Variants in RBM19 observed in about 807,000 individuals in gnomAD.
RBM19 encodes RNA binding motif protein 19.
A neutral mutation model predicts 116.8 loss-of-function variants in RBM19; 94 were observed. The ratio of observed to expected loss-of-function variants is 0.80; its 90% CI spans 0.68 to 0.95. The LOEUF is 0.95. Ranked by LOEUF, RBM19 falls within the 40% of genes least tolerant of loss-of-function variation. The pLI is 0.00. For synonymous variants in RBM19, 475 were observed against 494.1 expected (o/e 0.96, Z 0.51); for missense variants, 1,161 against 1,220.7 (o/e 0.95, Z 0.73).
rs1233303164 is a variant in RBM19 at position 113,949,026 on chromosome 12, G to A, written c.1083C>T (p.Tyr361=). The change falls in exon 10 of 24, where the codon TAC becomes TAT. Residue 361 remains tyrosine (Y), a synonymous_variant. Transcript: ENST00000261741. ...CGTTCTTTTCCCTGAACACCTCGAT[G>A]TAGCGCCCACCTGCAATGAAGAGGA... The part of the protein sequence containing the change: ...KCNREYMGGR[Y]IEVFREKNVP... The A allele has an allele frequency of 1.2e-6, 2 of 1,613,340 alleles. No homozygotes were observed. The highest frequency in any genetic ancestry group is 2.2e-5 in the South Asian group (2 of 91,030).
chr12:113,879,728 C>T (rs1166313403), intron 21 of RBM19, among the ~76,000 whole-genome samples: 1 of 152,088 alleles, frequency 6.6e-6, no homozygotes, highest in Non-Finnish European at 1.5e-5. Flanking sequence ...CCCTAGGCTG[C>T]TGGGGAGCTC....
intron 10 of RBM19, 107 bp downstream of exon 10, chr12:113,948,726 G>A: frequency 1.8e-6 from 2 of 1,121,142 alleles, no homozygotes; most frequent in Non-Finnish European, 2.5e-6. Flanking sequence ...ACTGAGGCAA[G>A]AGATGTGGAG....
chr12:113,896,371 G>T (rs1881325389), intron 21 of RBM19, among the ~76,000 whole-genome samples: 1 of 152,184 alleles, frequency 6.6e-6, no homozygotes, highest in Non-Finnish European at 1.5e-5. Context: ...GAATTTCTGG[G>T]CTCGGGGGCA....
intron 20 of RBM19, among the ~76,000 whole-genome samples, 174 bp from the exon 21 acceptor site, chr12:113,915,259 C>G (rs1882705110): frequency 6.6e-6 from 1 of 152,086 alleles, no homozygotes; most frequent in African/African-American, 2.4e-5. Context: ...GGTGATAGGA[C>G]CCAAAACAGC....
At chr12:113,854,992 C>A (rs923888782) in intron 22 of RBM19, among the ~76,000 whole-genome samples, 1 of 152,252 alleles carries the variant, frequency 6.6e-6, no homozygotes, top group Admixed American at 6.5e-5. Flanking sequence ...TCTGCCACAA[C>A]AGCCTTTGAG....
chr12:113,860,521 G>C (rs1878276599), intron 21 of RBM19, among the ~76,000 whole-genome samples: 1 of 152,232 alleles, frequency 6.6e-6, no homozygotes, highest in Non-Finnish European at 1.5e-5. Flanking sequence ...CGGCAGCTAA[G>C]GGGCTGGAGC....
chr12:113,923,429 T>C lies in RBM19; in HGVS notation c.2305+1268A>G, dbSNP rs190171817. Among the ~76,000 whole-genome samples, 241 of 152,276 alleles carry C rather than the reference T, an allele frequency of 1.6e-3. 1 individual carries two copies. The highest frequency in any genetic ancestry group is 5.5e-3 in the African/African-American group (228 of 41,548). On this transcript the variant is annotated intron_variant, in intron 18 of 23. Transcript: ENST00000261741. ...TCTGTCATTTAAGCCACCCAGTCTGTGGCACTTTCTTATGGCAGCCCGGCA... is the reference window on the plus strand; with the variant it reads ...TCTGTCATTTAAGCCACCCAGTCTGCGGCACTTTCTTATGGCAGCCCGGCA...
At chr12:113,824,441 C>T (rs553689718) in intron 23 of RBM19, among the ~76,000 whole-genome samples, 1 of 152,318 alleles carries the variant, frequency 6.6e-6, no homozygotes, top group Admixed American at 6.5e-5. Context: ...CTGTCAGTCC[C>T]TCTGCTAGTC....
intron 13 of RBM19, among the ~76,000 whole-genome samples, chr12:113,945,069 G>A (rs1480610132): frequency 5.9e-5 from 9 of 152,160 alleles, no homozygotes; most frequent in African/African-American, 1.7e-4. Context: ...GTTAACATTG[G>A]AGATTTCTGC....
intron 23 of RBM19, among the ~76,000 whole-genome samples, chr12:113,826,964 T>TA (rs1010192805): frequency 6.6e-6 from 1 of 152,160 alleles, no homozygotes; most frequent in Non-Finnish European, 1.5e-5. Flanking sequence ...GGGCCTGGCA[T>TA]ATCTGCCAGG....
intron 21 of RBM19, among the ~76,000 whole-genome samples, chr12:113,889,485 T>C (rs564042651): frequency 6.6e-6 from 1 of 152,244 alleles, no homozygotes; most frequent in East Asian, 1.9e-4. Context: ...CAAACAAAAA[T>C]GACACATGGT....
intron 21 of RBM19, among the ~76,000 whole-genome samples, chr12:113,860,734 G>A (rs192374711): frequency 1.3e-5 from 2 of 152,120 alleles, no homozygotes; most frequent in Non-Finnish European, 2.9e-5. Flanking sequence ...CAGTGTCACC[G>A]CTCACTGTGC....
At chr12:113,945,724 G>A (rs1410601798) in intron 13 of RBM19, 104 bp downstream of exon 13, 7 of 953,362 alleles carry the variant, frequency 7.3e-6, no homozygotes, top group Non-Finnish European at 1.1e-5. Flanking sequence ...GGAAAGCCCT[G>A]GCGGCCCCAG....
intron 22 of RBM19, among the ~76,000 whole-genome samples, chr12:113,852,564 G>T (rs1877543311): frequency 6.6e-6 from 1 of 152,222 alleles, no homozygotes; most frequent in African/African-American, 2.4e-5. Flanking sequence ...GGGACACACA[G>T]GACAATGGAC....
chr12:113,933,605 T>C (rs1566025363), intron 16 of RBM19, among the ~76,000 whole-genome samples: 1 of 151,664 alleles, frequency 6.6e-6, no homozygotes, highest in Non-Finnish European at 1.5e-5. Flanking sequence ...CTCTGGGAGG[T>C]AGGGGCTGTT....
chr12:113,841,849 T>C (rs976405152), intron 23 of RBM19, among the ~76,000 whole-genome samples: 23 of 152,176 alleles, frequency 1.5e-4, no homozygotes, highest in African/African-American at 5.1e-4. Context: ...TGAGTAGACA[T>C]AGCACTGCCT....
chr12:113,938,310 C>T (rs1171438856), intron 15 of RBM19, among the ~76,000 whole-genome samples: 1 of 152,110 alleles, frequency 6.6e-6, no homozygotes, highest in Non-Finnish European at 1.5e-5. Flanking sequence ...TTCCTGAGAG[C>T]TTAGTGGCCA....
downstream of RBM19, among the ~76,000 whole-genome samples, chr12:113,818,494 C>T (rs894915624): frequency 2.6e-5 from 4 of 152,232 alleles, no homozygotes; most frequent in Non-Finnish European, 4.4e-5. Context: ...AGCCTCTGGA[C>T]GTGGGCCCAG....
In RBM19 at chr12:113,959,437, C is replaced by T. The variant is rs150284844; in HGVS notation, c.379-33G>A. On this transcript the variant is annotated intron_variant, in intron 4 of 23. Coordinates refer to ENST00000261741, the MANE Select transcript of RBM19 (RefSeq NM_016196.4). ...CACCAGAACCCGGGCGGCAGGGACA[C>T]GGGAAAAAGAGAGAGGAAGAGGCAG... 1.9e-4 allele frequency: 303 copies of T among 1,583,738 alleles called. No individual in the cohort carries two copies. In the African/African-American group the frequency reaches 2.9e-3, roughly 15 times the overall value.
Sources: gnomAD v4.1 joint callset for allele counts (sites outside exome capture counted in the v4.1 genomes callset) on GRCh38, gnomAD v4.1.1 for gene constraint, MANE v1.5 for transcripts, NCBI Gene and HGNC (gene_info 2026-07-23, HGNC 2026-07-21) for gene names.